The following ANK2 variants were observed in gnomAD, a reference collection of about 807,000 sequenced individuals.
ANK2 encodes ankyrin 2, also known as ankyrin-2.
In ANK2, 83 loss-of-function variants were observed where a neutral mutation model predicts 360.5. That is an observed-to-expected ratio of 0.23 (90% CI 0.19 to 0.28). ANK2 has a LOEUF of 0.28. Among genes scored for constraint, ANK2 ranks in the 10% least tolerant of loss-of-function variants. The probability of loss-of-function intolerance (pLI) is 1.00; values close to 1 mark genes in which losing one functional copy is unlikely to be tolerated. For synonymous variants in ANK2, 1,740 were observed against 1,759.5 expected (o/e 0.99, Z 0.28); for missense variants, 4,201 against 4,795.7 (o/e 0.88, Z 3.66).
chr4:113,095,477 C>T (rs1465232773), intron 1 of ANK2, among the ~76,000 whole-genome samples: 4 of 151,988 alleles, frequency 2.6e-5, no homozygotes, highest in South Asian at 2.1e-4. Flanking sequence ...TGAGAGTGTG[C>T]CTGTGATTTG....
At chr4:113,196,737 G>T (rs1484441553) in intron 3 of ANK2, among the ~76,000 whole-genome samples, 2 of 151,988 alleles carry the variant, frequency 1.3e-5, no homozygotes, top group Non-Finnish European at 2.9e-5. Flanking sequence ...TTGCTATGTT[G>T]CCTTCCTGGG....
chr4:113,221,563 G>T (rs2099152010), intron 4 of ANK2, among the ~76,000 whole-genome samples: 2 of 151,914 alleles, frequency 1.3e-5, no homozygotes, highest in Non-Finnish European at 2.9e-5. Flanking sequence ...AGAGGCTGAG[G>T]CAGGAGAATC....
chr4:112,960,541 C>T (rs1171351300), intron 2 of ANK2, among the ~76,000 whole-genome samples: 1 of 152,002 alleles, frequency 6.6e-6, no homozygotes, highest in East Asian at 1.9e-4. Flanking sequence ...CAAGAACTTC[C>T]CTTATTTTAA....
intron 15 of ANK2, among the ~76,000 whole-genome samples, chr4:113,277,353 T>G (rs181387471): frequency 6.6e-6 from 1 of 152,340 alleles, no homozygotes; most frequent in East Asian, 1.9e-4. Context: ...AGAAAATATG[T>G]CAACTAATTC....
chr4:112,720,787 C>A, the ANK2 span, among the ~76,000 whole-genome samples: 1 of 152,142 alleles, frequency 6.6e-6, no homozygotes, highest in Non-Finnish European at 1.5e-5. Context: ...GACTGTGTAA[C>A]GTATAACTCA....
chr4:112,839,871 T>A (rs1286205622), intron 1 of ANK2, among the ~76,000 whole-genome samples: 1 of 152,236 alleles, frequency 6.6e-6, no homozygotes, highest in Non-Finnish European at 1.5e-5. Flanking sequence ...CCTTGCACAT[T>A]CTTTGTACCA....
chr4:113,194,474 G>A (rs2098719287), intron 2 of ANK2, among the ~76,000 whole-genome samples: 1 of 152,144 alleles, frequency 6.6e-6, no homozygotes, highest in African/African-American at 2.4e-5. Flanking sequence ...AGTGAACAGA[G>A]CTTATTATAA....
upstream of ANK2, among the ~76,000 whole-genome samples, chr4:113,045,042 T>G (rs144420284): frequency 9.7e-4 from 148 of 152,262 alleles, 2 homozygotes; most frequent in East Asian, 0.028. Flanking sequence ...TGTGAAAAAA[T>G]GTTTGTAACA....
chr4:113,218,737 A>G (rs1339783157), intron 4 of ANK2, among the ~76,000 whole-genome samples: 1 of 152,214 alleles, frequency 6.6e-6, no homozygotes, highest in African/African-American at 2.4e-5. Context: ...TAGAAATAAG[A>G]AAACTATTTG....
chr4:113,102,783 T>C (rs313957), intron 1 of ANK2, among the ~76,000 whole-genome samples: 149,102 of 152,258 alleles, frequency 0.98, 73,028 homozygotes, highest in Middle Eastern at 1. Context: ...AGTATCTTAA[T>C]CACATACCTA....
intron 1 of ANK2, chr4:112,827,625 CA>C (rs1219674230): frequency 1.2e-6 from 1 of 827,586 alleles, no homozygotes; most frequent in African/African-American, 1.7e-5. Flanking sequence ...ACTCTCCATC[CA>C]GATCCTTGCA....
chr4:112,911,296 A>G (rs991786559), intron 2 of ANK2, among the ~76,000 whole-genome samples: 1 of 148,934 alleles, frequency 6.7e-6, no homozygotes, highest in Non-Finnish European at 1.5e-5. Context: ...TCACGAGGTC[A>G]GGAGATATAG....
chr4:113,106,756 C>G, intron 1 of ANK2: 1 of 320,460 alleles, frequency 3.1e-6, no homozygotes, highest in Non-Finnish European at 6.2e-6. Context: ...GATGCTTATT[C>G]TGACAAATTT....
At chr4:112,758,117 T>A in the ANK2 span, among the ~76,000 whole-genome samples, 2 of 151,924 alleles carry the variant, frequency 1.3e-5, no homozygotes, top group East Asian at 2.0e-4. Context: ...TCCATGTTGG[T>A]CACTCAGGTC....
chr4:112,868,413 G>A (rs1185548181), intron 1 of ANK2, among the ~76,000 whole-genome samples: 1 of 152,214 alleles, frequency 6.6e-6, no homozygotes, highest in African/African-American at 2.4e-5. Flanking sequence ...GAGAGCAAGA[G>A]ACAGACAGAG....
chr4:113,084,374 T>C (rs2083636259), intron 1 of ANK2, among the ~76,000 whole-genome samples: 1 of 152,210 alleles, frequency 6.6e-6, no homozygotes, highest in African/African-American at 2.4e-5. Context: ...GTGACTATGA[T>C]TGCTGTATTC....
intron 2 of ANK2, among the ~76,000 whole-genome samples, chr4:112,957,226 A>G (rs965006828): frequency 1.3e-5 from 2 of 149,698 alleles, no homozygotes; most frequent in Non-Finnish European, 3.0e-5. Context: ...CTTAACGAGC[A>G]TGCTGCCTTC....
At chr4:113,275,744 G>A (rs942349453) in intron 15 of ANK2, among the ~76,000 whole-genome samples, 3 of 151,430 alleles carry the variant, frequency 2.0e-5, no homozygotes, top group Non-Finnish European at 2.9e-5. Context: ...AGCAACAAAT[G>A]TAGTAATAAC....
chr4:112,724,270 G>T, the ANK2 span, among the ~76,000 whole-genome samples: 5 of 151,966 alleles, frequency 3.3e-5, no homozygotes, highest in African/African-American at 1.2e-4. Context: ...TCACCATGTT[G>T]GCTAGGCTGG....
Sources: allele counts gnomAD v4.1 joint callset (sites outside exome capture counted in the v4.1 genomes callset), GRCh38; gene constraint gnomAD v4.1.1; transcripts MANE v1.5; gene names NCBI Gene and HGNC (gene_info 2026-07-23, HGNC 2026-07-21).